SLC25A26: variants seen among roughly 807,000 people sequenced by gnomAD.
SLC25A26 encodes mitochondrial S-adenosylmethionine carrier protein.
SLC25A26 carries 36 observed loss-of-function variants against 37.8 expected under a neutral mutation model. That is an observed-to-expected ratio of 0.95 (90% CI 0.73 to 1.26). SLC25A26 has a LOEUF of 1.26. SLC25A26 is among the 50% of genes most tolerant of loss of function. The pLI, the probability that SLC25A26 is intolerant of heterozygous loss-of-function variation, is 0.00. For synonymous variants in SLC25A26, 129 were observed against 122.5 expected, an observed-to-expected ratio of 1.05 and a Z score of -0.35; for missense variants, 390 against 331.1, an observed-to-expected ratio of 1.18 and a Z score of -1.38.
chr3:66,363,904 TATG>T (rs1342309288), intron 7 of SLC25A26, among the ~76,000 whole-genome samples: 2 of 152,190 alleles, frequency 1.3e-5, no homozygotes, highest in Non-Finnish European at 2.9e-5. Flanking sequence ...CCAGATTGAT[TATG>T]ATGATGATCG....
At chr3:66,312,958 G>T (rs2075425597) in intron 5 of SLC25A26, among the ~76,000 whole-genome samples, 1 of 152,054 alleles carries the variant, frequency 6.6e-6, no homozygotes, top group African/African-American at 2.4e-5. Context: ...CATCTTGCCA[G>T]ATCCCCCTGT....
At chr3:66,238,973 T>C (rs533024672) in intron 2 of SLC25A26, among the ~76,000 whole-genome samples, 1 of 152,330 alleles carries the variant, frequency 6.6e-6, no homozygotes, top group East Asian at 1.9e-4. Flanking sequence ...AATGATTCTT[T>C]ATGGTACCAA....
At chr3:66,172,429 A>AAAAAAAAAAAAAAAC in intron 1 of SLC25A26, among the ~76,000 whole-genome samples, 1 of 150,030 alleles carries the variant, frequency 6.7e-6, no homozygotes, top group Non-Finnish European at 1.5e-5. Flanking sequence ...AAAAAAAAAA[A>AAAAAAAAAAAAAAAC]AGGAAAAGAA....
At chr3:66,188,511 T>A (rs2070873394) in intron 1 of SLC25A26, among the ~76,000 whole-genome samples, 1 of 151,974 alleles carries the variant, frequency 6.6e-6, no homozygotes, top group East Asian at 1.9e-4. Flanking sequence ...GCCCGGTACC[T>A]CCCCTTCTAC....
intron 5 of SLC25A26, among the ~76,000 whole-genome samples, chr3:66,295,082 C>G (rs754969700): frequency 1.3e-5 from 2 of 152,110 alleles, no homozygotes; most frequent in African/African-American, 2.4e-5. Context: ...TCATGCAAAT[C>G]AAAAACCCCA....
chr3:66,243,201 A>T lies in SLC25A26; in HGVS notation c.191-2A>T. On this transcript the variant is annotated splice_acceptor_variant, in intron 2 of 9. Transcript: ENST00000354883. LOFTEE classifies it high-confidence loss of function. ...GAAAGACTGGCTTGTTTTAAATTTC[A>T]GCTGCTGCATTTTTTATCACCTATG... The T allele has an allele frequency of 6.5e-7, 1 of 1,549,288 alleles. No individual in the cohort carries two copies. Among genetic ancestry groups the T allele is most frequent in the South Asian group, 1.2e-5 (1 of 85,928 alleles).
Position 66,334,477 on chromosome 3 carries a change from G to C in SLC25A26, c.454-11887G>C, listed in dbSNP as rs187407689. Among the ~76,000 whole-genome samples, 223 of 152,130 alleles carry C rather than the reference G, an allele frequency of 1.5e-3. 1 individual carries two copies. Among genetic ancestry groups the C allele is most frequent in the Admixed American group, 3.7e-3 (56 of 15,258 alleles). ...TTACAGATGTGTGCCACCATGCCTG[G>C]CTAATTTTTTGTATTCTTAGTAGAG... On this transcript the variant is annotated intron_variant, in intron 5 of 9. Transcript: ENST00000354883.
At chr3:66,162,334 A>AT (rs796147816) in intron 1 of SLC25A26, among the ~76,000 whole-genome samples, 2,408 of 52,806 alleles carry the variant, frequency 0.046, 65 homozygotes, top group African/African-American at 0.15. Context: ...TTCAACATGG[A>AT]TTTTTTTTTC....
intron 1 of SLC25A26, among the ~76,000 whole-genome samples, chr3:66,158,143 C>G (rs896153925): frequency 6.6e-6 from 1 of 152,172 alleles, no homozygotes; most frequent in Non-Finnish European, 1.5e-5. Context: ...TTTCAGGCAT[C>G]AGAAAGTAGG....
At chr3:66,282,990 G>A (rs2074396953) in intron 5 of SLC25A26, among the ~76,000 whole-genome samples, 1 of 152,124 alleles carries the variant, frequency 6.6e-6, no homozygotes, top group Non-Finnish European at 1.5e-5. Context: ...TAATGCCTTT[G>A]AGATTCATCC....
At chr3:66,372,628 C>T (rs1291436828) in intron 9 of SLC25A26, among the ~76,000 whole-genome samples, 1 of 152,164 alleles carries the variant, frequency 6.6e-6, no homozygotes, top group Non-Finnish European at 1.5e-5. Context: ...TCAGTCTGTA[C>T]AGTGTAGTCC....
At chr3:66,196,473 T>C (rs2071045676) in intron 1 of SLC25A26, among the ~76,000 whole-genome samples, 1 of 152,190 alleles carries the variant, frequency 6.6e-6, no homozygotes, top group African/African-American at 2.4e-5. Flanking sequence ...TGTTATAGAA[T>C]GTAATCTTTT....
chr3:66,197,311 G>A (rs952748326), intron 1 of SLC25A26, among the ~76,000 whole-genome samples: 1 of 152,108 alleles, frequency 6.6e-6, no homozygotes, highest in Non-Finnish European at 1.5e-5. Flanking sequence ...AGGCATCAGG[G>A]ACATAGTGAC....
At chr3:66,230,820 C>A (rs374302150) in intron 1 of SLC25A26, among the ~76,000 whole-genome samples, 73,595 of 94,366 alleles carry the variant, frequency 0.78, 26,621 homozygotes, top group Middle Eastern at 0.91. Flanking sequence ...AAAAAAAAAA[C>A]AAAAAAAAAC....
At chr3:66,174,839 C>A (rs954798944) in intron 1 of SLC25A26, among the ~76,000 whole-genome samples, 2 of 149,856 alleles carry the variant, frequency 1.3e-5, no homozygotes, top group Admixed American at 6.7e-5. Context: ...TATGAAAAGT[C>A]ACAAAATATT....
At chr3:66,182,392 T>C (rs1449958503) in intron 1 of SLC25A26, among the ~76,000 whole-genome samples, 1 of 152,194 alleles carries the variant, frequency 6.6e-6, no homozygotes, top group African/African-American at 2.4e-5. Flanking sequence ...TTTGGGATTA[T>C]GTAAGAGTTA....
At chr3:66,282,918 A>G (rs2074394575) in intron 5 of SLC25A26, among the ~76,000 whole-genome samples, 1 of 152,150 alleles carries the variant, frequency 6.6e-6, no homozygotes, top group Admixed American at 6.5e-5. Flanking sequence ...CTGTTTGAGA[A>G]TGTCATTTAA....
intron 1 of SLC25A26, among the ~76,000 whole-genome samples, chr3:66,149,130 A>G (rs916915154): frequency 6.6e-6 from 1 of 152,148 alleles, no homozygotes; most frequent in Admixed American, 6.5e-5. Context: ...AAGTGGGTCC[A>G]TGACCCATTG....
At chr3:66,345,082 AG>A (rs2076289181) in intron 5 of SLC25A26, among the ~76,000 whole-genome samples, 1 of 152,202 alleles carries the variant, frequency 6.6e-6, no homozygotes, top group Non-Finnish European at 1.5e-5. Context: ...TGATAGTTCT[AG>A]CCCTTACTGT....
Sources: gnomAD v4.1 joint callset for allele counts (sites outside exome capture counted in the v4.1 genomes callset) on GRCh38, gnomAD v4.1.1 for gene constraint, MANE v1.5 for transcripts, NCBI Gene and HGNC (gene_info 2026-07-23, HGNC 2026-07-21) for gene names.